Variants in CASZ1 observed in about 807,000 individuals in gnomAD.
CASZ1 encodes zinc finger protein castor homolog 1.
In CASZ1, 28 loss-of-function variants were observed where a neutral mutation model predicts 135.2. The observed-to-expected ratio is 0.21, with a 90% CI of 0.15 to 0.28. The LOEUF is 0.28. Among genes scored for constraint, CASZ1 ranks in the 10% least tolerant of loss-of-function variants. The pLI is 1.00. For synonymous variants in CASZ1, 1,068 were observed against 1,073.4 expected (o/e 0.99, Z 0.10); for missense variants, 2,161 against 2,453.3 (o/e 0.88, Z 2.52).
At chr1:10,780,636 T>C (rs890361209) in intron 1 of CASZ1, among the ~76,000 whole-genome samples, 2 of 152,216 alleles carry the variant, frequency 1.3e-5, no homozygotes, top group African/African-American at 4.8e-5. Flanking sequence ...AACAATGTTG[T>C]CTCATGATAG....
At position 10,726,519 on chromosome 1, in the gene CASZ1, C is replaced by T. The variant is rs1639600702; in HGVS notation, c.-76-20975G>A. 6.6e-6 allele frequency among the ~76,000 whole-genome samples: 1 copy of T among 152,192 alleles called. No homozygotes were observed. Among genetic ancestry groups the T allele is most frequent in the Admixed American group, 6.5e-5 (1 of 15,294 alleles). The stretch of plus-strand genomic sequence containing the variant: ...CCGGTGGAGGATGCCACCTTTTCCT[C>T]GTGCCGCCTCAGGCCAAGCTGAAGG... On this transcript the variant is annotated intron_variant, in intron 2 of 20. Coordinates refer to ENST00000377022, the MANE Select transcript of CASZ1 (RefSeq NM_001079843.3). This position sits in a 1 kb window ranked among gnomAD's most constrained non-coding sequence, Gnocchi z 5.7.
At chr1:10,648,958 TC>T in intron 15 of CASZ1, 111 bp downstream of exon 15, 3 of 1,423,022 alleles carry the variant, frequency 2.1e-6, no homozygotes, top group Non-Finnish European at 2.9e-6. Context: ...AGAAGCCGGC[TC>T]AGCTTCTGTG....
In CASZ1 at chr1:10,747,302, C is replaced by T. The variant is rs1640062508; in HGVS notation, c.-77+13399G>A. Among the ~76,000 whole-genome samples the T allele has an allele frequency of 6.6e-6, 1 of 152,186 alleles. No individual in the cohort carries two copies. The highest frequency in any genetic ancestry group is 2.4e-5 in the African/African-American group (1 of 41,454). The stretch of plus-strand genomic sequence containing the variant: ...AGAGAGAGGCAGGGTTCTGAATACG[C>T]TCATCTTTCGTAGATGCAACCCAGC... On this transcript the variant is annotated intron_variant, in intron 2 of 20. Transcript: ENST00000377022. This position sits in a 1 kb window ranked among gnomAD's most constrained non-coding sequence, Gnocchi z 4.3.
rs1229164427 is a variant in CASZ1 at position 10,707,608 on chromosome 1, G to T, written c.-76-2064C>A. On this transcript the variant is annotated intron_variant, in intron 2 of 20. Coordinates refer to ENST00000377022, the MANE Select transcript of CASZ1 (RefSeq NM_001079843.3). This position sits in a 1 kb window ranked among gnomAD's most constrained non-coding sequence, Gnocchi z 5.0. ...ATGCACGGGGTCCTGTACCCCACCT[G>T]CCCAGGGCAGGTGTCCTGGCTGATG... 6.6e-6 allele frequency among the ~76,000 whole-genome samples: 1 copy of T among 152,134 alleles called. No homozygotes were observed. Among genetic ancestry groups the T allele is most frequent in the Non-Finnish European group, 1.5e-5 (1 of 68,034 alleles).
intron 2 of CASZ1, among the ~76,000 whole-genome samples, chr1:10,744,267 G>A (rs916764554): frequency 8.5e-5 from 13 of 152,114 alleles, no homozygotes; most frequent in Non-Finnish European, 1.8e-4. Context: ...GAGAGCCAAG[G>A]GTGGGGTCCT....
At chr1:10,744,849 G>T (rs1640009883) in intron 2 of CASZ1, among the ~76,000 whole-genome samples, 1 of 152,154 alleles carries the variant, frequency 6.6e-6, no homozygotes, top group Non-Finnish European at 1.5e-5. Flanking sequence ...GGAGAGCCGT[G>T]ACCTCACCAG....
At chr1:10,730,255 T>G (rs1258441644) in intron 2 of CASZ1, among the ~76,000 whole-genome samples, 1 of 151,850 alleles carries the variant, frequency 6.6e-6, no homozygotes, top group Non-Finnish European at 1.5e-5. Flanking sequence ...GAATTACAGG[T>G]GCCCACCACC....
intron 5 of CASZ1, among the ~76,000 whole-genome samples, chr1:10,662,120 C>T (rs949668944): frequency 1.8e-4 from 27 of 151,782 alleles, no homozygotes; most frequent in African/African-American, 3.4e-4. Flanking sequence ...TGACATACAA[C>T]GCACACATGC....
At chr1:10,691,739 A>G (rs1341514286) in intron 4 of CASZ1, among the ~76,000 whole-genome samples, 1 of 152,234 alleles carries the variant, frequency 6.6e-6, no homozygotes, top group Non-Finnish European at 1.5e-5. Flanking sequence ...ACCAGCTCAG[A>G]GGGGATCTCA....
Position 10,639,855 on chromosome 1 carries a change from T to A in CASZ1, c.4367A>T (p.His1456Leu), listed in dbSNP as rs1464401295. 1 of 1,611,950 alleles carries A rather than the reference T, an allele frequency of 6.2e-7. No individual in the cohort carries two copies. Among genetic ancestry groups the A allele is most frequent in the East Asian group, 2.2e-5 (1 of 44,866 alleles). The stretch of plus-strand genomic sequence containing the variant: ...GCAGTTCTCGCGCGTGCAGTGGTAG[T>A]GGGTGACCTTGAGCGAGAACTGACA... ...AACQFSLKVT[H>L]YHCTRENCGY... is the part of the protein sequence containing the mutation. Residue 1456 changes from histidine (H) to leucine (L), a missense_variant, in exon 21 of 21, where the codon CAC becomes CTC. Coordinates refer to ENST00000377022, the MANE Select transcript of CASZ1 (RefSeq NM_001079843.3). This position sits in a 1 kb window ranked among gnomAD's most constrained non-coding sequence, Gnocchi z 4.0.
In CASZ1 at chr1:10,662,460, GCA is replaced by G. The variant is rs557067959; in HGVS notation, c.506-1926_506-1925del. On this transcript the variant is annotated intron_variant, in intron 5 of 20. Transcript: ENST00000377022. Reference sequence around the variant, plus strand: ...ATTACACACTCTCACCCGCACATACGCACAGTCATATGCACACACATGCCATC... The same window carrying G: ...ATTACACACTCTCACCCGCACATACGCAGTCATATGCACACACATGCCATC... Among the ~76,000 whole-genome samples the G allele has an allele frequency of 8.4e-3, 1,273 of 151,026 alleles. 1 individual carries two copies. The highest frequency in any genetic ancestry group is 0.014 in the Non-Finnish European group (925 of 67,760).
At chr1:10,750,648 C>A (rs1390513660) in intron 2 of CASZ1, among the ~76,000 whole-genome samples, 1 of 152,054 alleles carries the variant, frequency 6.6e-6, no homozygotes, top group East Asian at 1.9e-4. Context: ...ACCTGTAATC[C>A]TAGCACTTTG....
intron 4 of CASZ1, among the ~76,000 whole-genome samples, chr1:10,672,475 T>C (rs967872371): frequency 7.0e-6 from 1 of 142,054 alleles, no homozygotes; most frequent in Non-Finnish European, 1.6e-5. Flanking sequence ...GCTCCAGCCC[T>C]CCGCCCGCCG....
In CASZ1 at chr1:10,679,475, T is replaced by C. The variant is rs1638342940; in HGVS notation, c.17-13904A>G. Among the ~76,000 whole-genome samples, 1 of 152,144 alleles carries C rather than the reference T, an allele frequency of 6.6e-6. No individual in the cohort carries two copies. The highest frequency in any genetic ancestry group is 1.5e-5 in the Non-Finnish European group (1 of 68,014). On this transcript the variant is annotated intron_variant, in intron 4 of 20. Coordinates refer to ENST00000377022, the MANE Select transcript of CASZ1 (RefSeq NM_001079843.3). This position sits in a 1 kb window ranked among gnomAD's most constrained non-coding sequence, Gnocchi z 4.7. ...CACCATCAGGATGACTCGGGCCAGCTGTCTCGATGGTGCTACCAAGCAATG... is the reference window on the plus strand; with the variant it reads ...CACCATCAGGATGACTCGGGCCAGCCGTCTCGATGGTGCTACCAAGCAATG...
At position 10,706,848 on chromosome 1, in the gene CASZ1, CG is replaced by C. The variant is rs894879002; in HGVS notation, c.-76-1305del. On this transcript the variant is annotated intron_variant, in intron 2 of 20. Transcript: ENST00000377022. The surrounding 1 kb of genome is among the most constrained non-coding windows in gnomAD (Gnocchi z 4.3). ...CCCATCTCATCCAGATGATGAGAGGCGGGGGGGTCTGCAGAGAGCTGGGCGG... is the reference window on the plus strand; with the variant it reads ...CCCATCTCATCCAGATGATGAGAGGCGGGGGGTCTGCAGAGAGCTGGGCGG... Among the ~76,000 whole-genome samples, 134 of 141,568 alleles carry C rather than the reference CG, an allele frequency of 9.5e-4. 1 individual carries two copies. The Middle Eastern group carries it at 0.025, about 27-fold the overall frequency. The allele number at this position is 141,568 out of a possible 152,430, so 92.9% of individuals were successfully genotyped here.
rs1473502310 is a variant in CASZ1 at position 10,767,903 on chromosome 1, C to T, written c.-233-7046G>A. The stretch of plus-strand genomic sequence containing the variant: ...CATCACCCCAGTCCCCCAACGCCCA[C>T]TCCAACCCTAGTCACAGGAGGGTCA... On this transcript the variant is annotated intron_variant, in intron 1 of 20. Coordinates refer to ENST00000377022, the MANE Select transcript of CASZ1 (RefSeq NM_001079843.3). The surrounding 1 kb of genome is among the most constrained non-coding windows in gnomAD (Gnocchi z 4.2). 6.6e-6 allele frequency among the ~76,000 whole-genome samples: 1 copy of T among 152,184 alleles called. No homozygotes were observed. Among genetic ancestry groups the T allele is most frequent in the African/African-American group, 2.4e-5 (1 of 41,448 alleles).
chr1:10,722,092 G>A (rs767337414), intron 2 of CASZ1, among the ~76,000 whole-genome samples: 2 of 152,228 alleles, frequency 1.3e-5, no homozygotes, highest in East Asian at 3.9e-4. Context: ...AGACACCTGC[G>A]TCTTGGCCCC....
At chr1:10,686,829 G>A (rs1051938164) in intron 4 of CASZ1, among the ~76,000 whole-genome samples, 1 of 152,222 alleles carries the variant, frequency 6.6e-6, no homozygotes, top group Non-Finnish European at 1.5e-5. Flanking sequence ...CCCGTGGCCA[G>A]AAGGCCTGGA....
intron 4 of CASZ1, among the ~76,000 whole-genome samples, chr1:10,688,940 C>T (rs1205993262): frequency 3.9e-5 from 6 of 152,054 alleles, no homozygotes; most frequent in African/African-American, 1.4e-4. Flanking sequence ...GACCCACGGG[C>T]GGTAATTACT....
Sources: gnomAD v4.1 joint callset for allele counts (sites outside exome capture counted in the v4.1 genomes callset) on GRCh38, gnomAD v4.1.1 for gene constraint, Gnocchi (gnomAD v3.1) non-coding constraint, MANE v1.5 for transcripts, NCBI Gene and HGNC (gene_info 2026-07-23, HGNC 2026-07-21) for gene names.